The following CDC73 variants were observed in gnomAD, a reference collection of about 807,000 sequenced individuals.
The protein encoded by CDC73 is cell division cycle 73.
CDC73 carries 21 observed loss-of-function variants against 83.7 expected under a neutral mutation model. The ratio of observed to expected loss-of-function variants is 0.25; its 90% CI spans 0.18 to 0.36. CDC73 has a LOEUF of 0.36. Among genes scored for constraint, CDC73 ranks in the 10% least tolerant of loss-of-function variants. The pLI is 1.00. For synonymous variants in CDC73, 224 were observed against 212.9 expected (o/e 1.05, Z -0.45); for missense variants, 342 against 653.3 (o/e 0.52, Z 5.19).
chr1:193,127,420 T>A (rs893047236), intron 2 of CDC73, among the ~76,000 whole-genome samples: 3 of 151,922 alleles, frequency 2.0e-5, no homozygotes, highest in Non-Finnish European at 2.9e-5. Flanking sequence ...GTTACATATT[T>A]AAAAAAATAA....
intron 10 of CDC73, among the ~76,000 whole-genome samples, chr1:193,183,653 A>G (rs1676756846): frequency 6.6e-6 from 1 of 151,600 alleles, no homozygotes; most frequent in Admixed American, 6.6e-5. Context: ...TCCAAATGAC[A>G]TATTTGGTAA....
rs1553278252 is a variant in CDC73 at position 193,130,167 on chromosome 1, G to GT, written c.238-3dup. 1 of 1,510,866 alleles carries GT rather than the reference G, an allele frequency of 6.6e-7. No homozygotes were observed. Among genetic ancestry groups the GT allele is most frequent in the Non-Finnish European group, 9.2e-7 (1 of 1,086,724 alleles). The allele number at this position is 1,510,866 out of a possible 1,614,324, so 93.6% of individuals were successfully genotyped here. A position where few individuals can be genotyped will look rare whatever the true frequency, so the allele number is the denominator to read the frequency against. On this transcript the variant is annotated splice_region_variant and splice_polypyrimidine_tract_variant and intron_variant, in intron 2 of 16. Coordinates refer to ENST00000367435, the MANE Select transcript of CDC73 (RefSeq NM_024529.5). ...ATTTCATATCTCATTTAAAATTTTG[G>GT]TTTTAGACTGAAAATATTCCTGTGG...
chr1:193,250,075 A>G (rs1486091036), intron 16 of CDC73, among the ~76,000 whole-genome samples: 3 of 151,888 alleles, frequency 2.0e-5, no homozygotes, highest in African/African-American at 7.2e-5. Flanking sequence ...TAGAAGTAAC[A>G]CTAAACTGAG....
At chr1:193,145,787 T>C (rs542793386) in intron 7 of CDC73, among the ~76,000 whole-genome samples, 5 of 152,322 alleles carry the variant, frequency 3.3e-5, no homozygotes, top group African/African-American at 7.2e-5. Flanking sequence ...ATAATAGTTA[T>C]GTTTCAAGCA....
At chr1:193,225,159 T>C (rs1677544636) in intron 13 of CDC73, among the ~76,000 whole-genome samples, 1 of 151,876 alleles carries the variant, frequency 6.6e-6, no homozygotes, top group South Asian at 2.1e-4. Flanking sequence ...CTGAGTTACT[T>C]CACTTAGGCT....
At chr1:193,123,929 C>T (rs1467466139) in intron 1 of CDC73, among the ~76,000 whole-genome samples, 1 of 152,176 alleles carries the variant, frequency 6.6e-6, no homozygotes, top group African/African-American at 2.4e-5. Context: ...TTGTCTTTGG[C>T]AAGTTCACAT....
intron 7 of CDC73, among the ~76,000 whole-genome samples, chr1:193,144,920 T>TC (rs1675970443): frequency 6.6e-6 from 1 of 151,672 alleles, no homozygotes; most frequent in African/African-American, 2.4e-5. Context: ...GTGAGAAAAT[T>TC]AGAATTTTGG....
At chr1:193,217,823 A>C (rs907833477) in intron 13 of CDC73, among the ~76,000 whole-genome samples, 5 of 152,028 alleles carry the variant, frequency 3.3e-5, no homozygotes, top group Non-Finnish European at 4.4e-5. Flanking sequence ...TCTACCCAGC[A>C]CTTGCCTTCC....
chr1:193,207,004 G>C (rs1420144177), intron 11 of CDC73, among the ~76,000 whole-genome samples: 1 of 152,062 alleles, frequency 6.6e-6, no homozygotes, highest in Non-Finnish European at 1.5e-5. Context: ...AAGTATCGGG[G>C]GAACCAGCCC....
At chr1:193,137,558 A>C (rs190538950) in intron 5 of CDC73, among the ~76,000 whole-genome samples, 1 of 152,364 alleles carries the variant, frequency 6.6e-6, no homozygotes, top group East Asian at 1.9e-4. Context: ...AATTTCAGAC[A>C]AAATCTTGAA....
chr1:193,173,954 G>A (rs990617566), intron 10 of CDC73, among the ~76,000 whole-genome samples: 1 of 151,914 alleles, frequency 6.6e-6, no homozygotes, highest in African/African-American at 2.4e-5. Flanking sequence ...ATTTTTGTTG[G>A]TGACAAAGTT....
At chr1:193,156,710 G>T (rs150960273) in intron 10 of CDC73, among the ~76,000 whole-genome samples, 1 of 151,980 alleles carries the variant, frequency 6.6e-6, no homozygotes, top group Non-Finnish European at 1.5e-5. Context: ...GAAGTGTTAC[G>T]GGAGTGCTAT....
chr1:193,167,609 C>G (rs1056439459), intron 10 of CDC73, among the ~76,000 whole-genome samples: 31 of 152,192 alleles, frequency 2.0e-4, no homozygotes, highest in African/African-American at 7.2e-4. Flanking sequence ...AACCATTTTC[C>G]TTCCCTGGCT....
chr1:193,165,578 A>G (rs1390401771), intron 10 of CDC73, among the ~76,000 whole-genome samples: 2 of 152,274 alleles, frequency 1.3e-5, no homozygotes, highest in Non-Finnish European at 2.9e-5. Context: ...AATATTTTTC[A>G]TAATTGGTGG....
At chr1:193,183,834 G>A (rs1014027611) in intron 10 of CDC73, among the ~76,000 whole-genome samples, 5 of 151,796 alleles carry the variant, frequency 3.3e-5, no homozygotes, top group Non-Finnish European at 5.9e-5. Flanking sequence ...TTGGAATCTG[G>A]TTGAAGTCCA....
intron 10 of CDC73, among the ~76,000 whole-genome samples, chr1:193,174,157 G>A (rs1228181415): frequency 6.6e-6 from 1 of 151,664 alleles, no homozygotes; most frequent in Non-Finnish European, 1.5e-5. Context: ...CTTCTCGGTG[G>A]CTTTTTCTAA....
chr1:193,128,416 C>T (rs1675625970), intron 2 of CDC73, among the ~76,000 whole-genome samples: 1 of 152,070 alleles, frequency 6.6e-6, no homozygotes, highest in Admixed American at 6.5e-5. Flanking sequence ...CCTTCAGCCT[C>T]CTGAGTAGCT....
intron 11 of CDC73, among the ~76,000 whole-genome samples, chr1:193,205,196 C>T (rs1677165139): frequency 1.3e-4 from 5 of 38,152 alleles, no homozygotes; most frequent in African/African-American, 2.8e-4. Context: ...TACCACCTGT[C>T]CCCCCCCCCC....
At chr1:193,175,597 CTT>C (rs1676587174) in intron 10 of CDC73, among the ~76,000 whole-genome samples, 1 of 152,116 alleles carries the variant, frequency 6.6e-6, no homozygotes, top group Non-Finnish European at 1.5e-5. Context: ...CATGTATAGA[CTT>C]TTGTGTGAGT....
Sources: gnomAD v4.1 joint callset for allele counts (sites outside exome capture counted in the v4.1 genomes callset) on GRCh38, gnomAD v4.1.1 for gene constraint, MANE v1.5 for transcripts, NCBI Gene and HGNC (gene_info 2026-07-23, HGNC 2026-07-21) for gene names.